The following UBQLN4 variants were observed in gnomAD, a reference collection of about 807,000 sequenced individuals.
The protein encoded by UBQLN4 is ubiquilin 4, also known as ubiquilin-4.
UBQLN4 carries 11 observed loss-of-function variants against 60.4 expected under a neutral mutation model. The observed-to-expected ratio is 0.18, with a 90% CI of 0.11 to 0.30. UBQLN4 has a LOEUF of 0.30. Ranked by LOEUF, UBQLN4 falls within the 10% of genes least tolerant of loss-of-function variation. UBQLN4 has a pLI of 1.00. For missense variants in UBQLN4, 417 were observed against 795.5 expected, an observed-to-expected ratio of 0.52 and a Z score of 5.72; for synonymous variants, 258 against 313.1, an observed-to-expected ratio of 0.82 and a Z score of 1.86.
chr1:156,036,449 G>A lies in UBQLN4; in HGVS notation c.*529C>T. Reference sequence around the variant, plus strand: ...CCACCAAAAAGTGCTGAATGAACCAGAATAGGGGCCGAGAAGGAAAATTAC... The same window carrying A: ...CCACCAAAAAGTGCTGAATGAACCAAAATAGGGGCCGAGAAGGAAAATTAC... On this transcript the variant is annotated 3_prime_UTR_variant, in exon 11 of 11. Transcript: ENST00000368309. 1 of 986,434 alleles carries A rather than the reference G, an allele frequency of 1.0e-6. No individual in the cohort carries two copies. Among genetic ancestry groups the A allele is most frequent in the Non-Finnish European group, 1.2e-6 (1 of 830,542 alleles). 61.1% of individuals were successfully genotyped at this position (986,434 alleles called of 1,614,324 possible).
At chr1:156,034,382 C>T (rs1683346888), downstream of UBQLN4, among the ~76,000 whole-genome samples, 1 of 150,928 alleles carries the variant, frequency 6.6e-6, no homozygotes, top group South Asian at 2.1e-4. Context: ...ACTGCAACCT[C>T]TGCCTCCCTG....
rs1010592173 is a variant in UBQLN4 at position 156,036,521 on chromosome 1, G to C, written c.*457C>G. 239 of 986,376 alleles carry C rather than the reference G, an allele frequency of 2.4e-4. No homozygotes were observed. Among genetic ancestry groups the C allele is most frequent in the Non-Finnish European group, 2.8e-4 (234 of 830,572 alleles). 61.1% of individuals were successfully genotyped at this position (986,376 alleles called of 1,614,324 possible). A position where few individuals can be genotyped will look rare whatever the true frequency, so the allele number is the denominator to read the frequency against. On this transcript the variant is annotated 3_prime_UTR_variant, in exon 11 of 11. Transcript: ENST00000368309. ...CTTCAGAGCAAGAAATTCTAGCATTGGTTGGGCTAGGGGTTGGGGGGTAGG... is the reference window on the plus strand; with the variant it reads ...CTTCAGAGCAAGAAATTCTAGCATTCGTTGGGCTAGGGGTTGGGGGGTAGG...
chr1:156,033,129 T>C (rs142019942), downstream of UBQLN4: 165 of 849,572 alleles, frequency 1.9e-4, no homozygotes, highest in African/African-American at 1.9e-3. Flanking sequence ...CCAATACTTA[T>C]GTAGCTGCTG....
chr1:156,033,789 A>AG (rs1683335201), downstream of UBQLN4, among the ~76,000 whole-genome samples: 1 of 151,194 alleles, frequency 6.6e-6, no homozygotes, highest in Admixed American at 6.6e-5. Flanking sequence ...GGTTGCAGTG[A>AG]GCCGAGATTG....
downstream of UBQLN4, chr1:156,033,119 C>G: frequency 3.8e-6 from 3 of 789,478 alleles, no homozygotes; most frequent in Non-Finnish European, 4.6e-6. Context: ...CATGTTTTTG[C>G]CAATACTTAT....
At chr1:156,042,558 C>CA in intron 7 of UBQLN4, 1 of 1,065,234 alleles carries the variant, frequency 9.4e-7, no homozygotes, top group Non-Finnish European at 1.3e-6. Flanking sequence ...ATTTAATCCT[C>CA]ACAACTATAG....
At position 156,036,262 on chromosome 1, in the gene UBQLN4, C is replaced by G. The variant is rs1166180905; in HGVS notation, c.*716G>C. The G allele has an allele frequency of 1.0e-6, 1 of 985,558 alleles. No homozygotes were observed. The highest frequency in any genetic ancestry group is 6.2e-5 in the Admixed American group (1 of 16,258). 61.1% of individuals were successfully genotyped at this position (985,558 alleles called of 1,614,324 possible). ...AAGCCTTTTACTCAGGCTGTCTCCC[C>G]CATTCCCTTCCTCCGAATAATCTCA... On this transcript the variant is annotated 3_prime_UTR_variant, in exon 11 of 11. Coordinates refer to ENST00000368309, the MANE Select transcript of UBQLN4 (RefSeq NM_020131.5).
intron 4 of UBQLN4, among the ~76,000 whole-genome samples, chr1:156,049,772 G>A (rs1381575335): frequency 6.6e-6 from 1 of 152,296 alleles, no homozygotes; most frequent in Non-Finnish European, 1.5e-5. Flanking sequence ...CTGGTGGAGC[G>A]GACCATGAGC....
Position 156,036,763 on chromosome 1 carries a change from C to T in UBQLN4, c.*215G>A. The T allele has an allele frequency of 7.3e-7, 1 of 1,376,562 alleles. No individual in the cohort carries two copies. The highest frequency in any genetic ancestry group is 9.4e-7 in the Non-Finnish European group (1 of 1,065,224). 85.3% of individuals were successfully genotyped at this position (1,376,562 alleles called of 1,614,324 possible). On this transcript the variant is annotated 3_prime_UTR_variant, in exon 11 of 11. Coordinates refer to ENST00000368309, the MANE Select transcript of UBQLN4 (RefSeq NM_020131.5). Reference sequence around the variant, plus strand: ...GTTTAAGTAGCACTGCTCAAGGAGACCAGGAGAGAAGAGTCTGTTAGAGAC... The same window carrying T: ...GTTTAAGTAGCACTGCTCAAGGAGATCAGGAGAGAAGAGTCTGTTAGAGAC...
chr1:156,037,785 T>C (rs1224437674), intron 10 of UBQLN4, among the ~76,000 whole-genome samples: 1 of 152,202 alleles, frequency 6.6e-6, no homozygotes, highest in East Asian at 1.9e-4. Flanking sequence ...AGATGCATAC[T>C]AAGCATGACC....
chr1:156,048,433 G>T lies in UBQLN4; in HGVS notation c.900+68C>A. On this transcript the variant is annotated intron_variant, in intron 5 of 10. Coordinates refer to ENST00000368309, the MANE Select transcript of UBQLN4 (RefSeq NM_020131.5). The surrounding 1 kb of genome is among the most constrained non-coding windows in gnomAD (Gnocchi z 4.9). Reference sequence around the variant, plus strand: ...AAGAAAGAAGAGCAGGCCCAGGTTTGCCTGGGGTGGGGGTAGGGAATCTCG... The same window carrying T: ...AAGAAAGAAGAGCAGGCCCAGGTTTTCCTGGGGTGGGGGTAGGGAATCTCG... The T allele has an allele frequency of 3.3e-6, 5 of 1,524,806 alleles. No individual in the cohort carries two copies. Among genetic ancestry groups the T allele is most frequent in the Non-Finnish European group, 4.4e-6 (5 of 1,125,044 alleles). 94.5% of individuals were successfully genotyped at this position (1,524,806 alleles called of 1,614,324 possible).
At chr1:156,038,500 T>C (rs1285946067) in intron 10 of UBQLN4, among the ~76,000 whole-genome samples, 2 of 150,428 alleles carry the variant, frequency 1.3e-5, no homozygotes, top group Non-Finnish European at 3.0e-5. Flanking sequence ...AGACTAAAGA[T>C]ACAAAACTTA....
intron 10 of UBQLN4, among the ~76,000 whole-genome samples, chr1:156,038,521 G>A (rs2102739401): frequency 6.6e-6 from 1 of 152,028 alleles, no homozygotes; most frequent in Non-Finnish European, 1.5e-5. Context: ...GTTGGGCATG[G>A]TGACAGGAGC....
At chr1:156,051,474 A>C in intron 2 of UBQLN4, 147 bp from the exon 3 acceptor site, 1 of 1,165,556 alleles carries the variant, frequency 8.6e-7, no homozygotes, top group Non-Finnish European at 1.2e-6. Context: ...TGATGGCGGG[A>C]GGGCAGTCAG....
downstream of UBQLN4, among the ~76,000 whole-genome samples, chr1:156,034,871 A>ATATATATATATATATATATATAT (rs60215858): frequency 1.4e-5 from 1 of 70,062 alleles, no homozygotes; most frequent in African/African-American, 5.6e-5. Flanking sequence ...ATATATATAT[A>ATATATATATATATATATATATAT]ATTTTTTTTT....
downstream of UBQLN4, among the ~76,000 whole-genome samples, chr1:156,032,383 C>A (rs995954872): frequency 6.6e-6 from 1 of 151,184 alleles, no homozygotes; most frequent in Non-Finnish European, 1.5e-5. Context: ...CGATGGCTCA[C>A]GCCTGTAATC....
At chr1:156,043,048 T>A in intron 6 of UBQLN4, 135 bp from the exon 7 acceptor site, 2 of 1,233,900 alleles carry the variant, frequency 1.6e-6, no homozygotes, top group Non-Finnish European at 2.2e-6. Flanking sequence ...GTGGGCACCC[T>A]AGGATTGTGG....
At chr1:156,047,788 G>C (rs1683752279) in intron 5 of UBQLN4, among the ~76,000 whole-genome samples, 1 of 150,400 alleles carries the variant, frequency 6.6e-6, no homozygotes, top group Non-Finnish European at 1.5e-5. Context: ...TTAGCCACCA[G>C]GGAGAAGGCA....
intron 6 of UBQLN4, among the ~76,000 whole-genome samples, chr1:156,043,157 G>T (rs918423738): frequency 4.6e-5 from 7 of 152,226 alleles, no homozygotes; most frequent in Admixed American, 4.6e-4. Context: ...CTAGGAACTG[G>T]GTCTGATTTA....
Sources: gnomAD v4.1 joint callset for allele counts (sites outside exome capture counted in the v4.1 genomes callset) on GRCh38, gnomAD v4.1.1 for gene constraint, Gnocchi (gnomAD v3.1) non-coding constraint, MANE v1.5 for transcripts, NCBI Gene and HGNC (gene_info 2026-07-23, HGNC 2026-07-21) for gene names.